DOCK3: variants seen among roughly 807,000 people sequenced by gnomAD.
The protein encoded by DOCK3 is dedicator of cytokinesis 3.
In DOCK3, 60 loss-of-function variants were observed where a neutral mutation model predicts 265.6. The ratio of observed to expected loss-of-function variants is 0.23; its 90% CI spans 0.18 to 0.28. The LOEUF (loss-of-function observed/expected upper bound fraction) is 0.28, where lower values mean the gene tolerates loss of function less well. DOCK3 is among the 10% of genes least tolerant of loss of function. The pLI is 1.00. For missense variants in DOCK3, 1,981 were observed against 2,594.3 expected (o/e 0.76, Z 5.14); for synonymous variants, 881 against 938.0 (o/e 0.94, Z 1.11).
chr3:51,202,731 A>G (rs971127745), intron 12 of DOCK3, among the ~76,000 whole-genome samples: 1 of 152,034 alleles, frequency 6.6e-6, no homozygotes. Flanking sequence ...AGAATTTTAG[A>G]CCAATATCCT....
At chr3:51,356,043 G>A (rs766638018) in intron 41 of DOCK3, 46 bp from the exon 42 acceptor site, 17 of 1,611,530 alleles carry the variant, frequency 1.1e-5, no homozygotes, top group Non-Finnish European at 1.4e-5. Context: ...CAGCCTCTCA[G>A]GCCCAGCTCT....
chr3:50,946,094 T>TAAA (rs35670695), intron 5 of DOCK3, among the ~76,000 whole-genome samples: 21 of 91,710 alleles, frequency 2.3e-4, no homozygotes, highest in South Asian at 1.5e-3. Flanking sequence ...CCCCATCTCT[T>TAAA]AAAAAAAAAA....
chr3:51,074,338 G>T (rs1199478159), intron 6 of DOCK3, among the ~76,000 whole-genome samples: 1 of 152,144 alleles, frequency 6.6e-6, no homozygotes, highest in African/African-American at 2.4e-5. Flanking sequence ...GTCTTAGAGT[G>T]CAAGAAAAGA....
At chr3:51,033,860 C>T (rs942211091) in intron 5 of DOCK3, among the ~76,000 whole-genome samples, 4 of 152,240 alleles carry the variant, frequency 2.6e-5, no homozygotes, top group South Asian at 2.1e-4. Flanking sequence ...CTTATTTCTT[C>T]GGGGCCCAAA....
chr3:51,040,295 G>C (rs1359577552), intron 5 of DOCK3, among the ~76,000 whole-genome samples: 2 of 151,594 alleles, frequency 1.3e-5, no homozygotes, highest in African/African-American at 4.8e-5. Flanking sequence ...ACACCTCAGA[G>C]GTACTGTAAA....
rs149244813 is a variant in DOCK3 at position 51,292,266 on chromosome 3, A to G, written c.2922+12062A>G. Among the ~76,000 whole-genome samples the G allele has an allele frequency of 6.8e-3, 1,030 of 152,292 alleles. 6 individuals carry two copies. The highest frequency in any genetic ancestry group is 0.023 in the African/African-American group (963 of 41,550). ...TAAATACTTCTGTCCTAGCCAGAGC[A>G]GTTAGGCAAGAGAAAGAAAAGGCAT... On this transcript the variant is annotated intron_variant, in intron 27 of 52. Transcript: ENST00000266037.
At chr3:51,243,277 C>G (rs905023817) in intron 21 of DOCK3, among the ~76,000 whole-genome samples, 1 of 152,236 alleles carries the variant, frequency 6.6e-6, no homozygotes, top group Admixed American at 6.5e-5. Flanking sequence ...TACCACTTCT[C>G]TAAGCAGCTC....
intron 3 of DOCK3, among the ~76,000 whole-genome samples, chr3:50,867,543 A>G (rs2047203011): frequency 6.7e-6 from 1 of 150,054 alleles, no homozygotes; most frequent in African/African-American, 2.4e-5. Context: ...ATTCAGTATT[A>G]TACTAGCTGT....
chr3:51,263,103 C>T (rs1462972533), intron 23 of DOCK3, among the ~76,000 whole-genome samples: 1 of 152,102 alleles, frequency 6.6e-6, no homozygotes, highest in Non-Finnish European at 1.5e-5. Flanking sequence ...AGAGCAGCCC[C>T]AAGACACATA....
intron 12 of DOCK3, among the ~76,000 whole-genome samples, chr3:51,203,589 C>G (rs1350970080): frequency 6.6e-6 from 1 of 152,134 alleles, no homozygotes; most frequent in Non-Finnish European, 1.5e-5. Context: ...GCCATACTGC[C>G]CAAGGTAATT....
intron 3 of DOCK3, among the ~76,000 whole-genome samples, chr3:50,864,718 T>G (rs1452770114): frequency 6.6e-6 from 1 of 152,116 alleles, no homozygotes; most frequent in Admixed American, 6.6e-5. Context: ...CCAATGTATA[T>G]TCTTGGTTCC....
chr3:50,899,654 T>C (rs2107800337), intron 4 of DOCK3, among the ~76,000 whole-genome samples: 1 of 152,314 alleles, frequency 6.6e-6, no homozygotes, highest in Non-Finnish European at 1.5e-5. Context: ...CTTCAGGAGC[T>C]CTTGTAAGGC....
At chr3:50,807,994 C>T (rs767567460) in intron 2 of DOCK3, among the ~76,000 whole-genome samples, 1 of 152,176 alleles carries the variant, frequency 6.6e-6, no homozygotes. Flanking sequence ...ACCTCAGTCT[C>T]CCAGAGTGCT....
chr3:50,981,848 A>G (rs2077704131), intron 5 of DOCK3, among the ~76,000 whole-genome samples: 1 of 150,728 alleles, frequency 6.6e-6, no homozygotes, highest in South Asian at 2.1e-4. Flanking sequence ...TTTTTTATTT[A>G]TTTTATTTAT....
intron 23 of DOCK3, among the ~76,000 whole-genome samples, chr3:51,267,125 C>T (rs2080222683): frequency 6.6e-6 from 1 of 152,156 alleles, no homozygotes; most frequent in Non-Finnish European, 1.5e-5. Flanking sequence ...GAGATACCAT[C>T]TCACACTAGT....
At chr3:50,766,649 G>A (rs1367676267) in intron 1 of DOCK3, among the ~76,000 whole-genome samples, 2 of 152,080 alleles carry the variant, frequency 1.3e-5, no homozygotes, top group Non-Finnish European at 2.9e-5. Flanking sequence ...GTAATGGGAT[G>A]GCTGGGTCAA....
chr3:50,804,249 C>G (rs2043262687), intron 2 of DOCK3, among the ~76,000 whole-genome samples: 1 of 151,842 alleles, frequency 6.6e-6, no homozygotes, highest in Non-Finnish European at 1.5e-5. Flanking sequence ...CTCCTCACTT[C>G]CCAGACTGGG....
intron 27 of DOCK3, among the ~76,000 whole-genome samples, chr3:51,297,593 A>G (rs1009301291): frequency 1.3e-5 from 2 of 152,084 alleles, no homozygotes; most frequent in African/African-American, 4.8e-5. Flanking sequence ...CCACATTATT[A>G]CTCATTAAGG....
At chr3:51,262,245 A>C (rs997944276) in intron 23 of DOCK3, among the ~76,000 whole-genome samples, 2 of 152,228 alleles carry the variant, frequency 1.3e-5, no homozygotes, top group African/African-American at 4.8e-5. Context: ...GCTGTTCTGC[A>C]GCCTCTGCTG....
Sources: gnomAD v4.1 joint callset for allele counts (sites outside exome capture counted in the v4.1 genomes callset) on GRCh38, gnomAD v4.1.1 for gene constraint, MANE v1.5 for transcripts, NCBI Gene and HGNC (gene_info 2026-07-23, HGNC 2026-07-21) for gene names.